TMEM80: variants seen among roughly 807,000 people sequenced by gnomAD.
TMEM80 encodes transmembrane protein 80.
In TMEM80, 16 loss-of-function variants were observed where a neutral mutation model predicts 13.6. The observed-to-expected ratio is 1.17, with a 90% CI of 0.79 to 1.78. The LOEUF is 1.78. Ranked by LOEUF, TMEM80 falls within the 40% of genes most tolerant of loss-of-function variation. TMEM80 has a pLI of 0.00. For missense variants in TMEM80, 167 were observed against 184.6 expected (o/e 0.90, Z 0.55); for synonymous variants, 92 against 89.5 (o/e 1.03, Z -0.16).
intron 1 of TMEM80, among the ~76,000 whole-genome samples, chr11:697,309 A>C (rs894012609): frequency 6.6e-6 from 1 of 152,234 alleles, no homozygotes; most frequent in Non-Finnish European, 1.5e-5. Context: ...TGTCCATTAC[A>C]TCAGGGAAAA....
intron 4 of TMEM80, among the ~76,000 whole-genome samples, chr11:702,471 C>A (rs550477758): frequency 1.3e-5 from 2 of 152,218 alleles, no homozygotes; most frequent in African/African-American, 4.8e-5. Context: ...GGCACCTGGG[C>A]TCAGCTAGTG....
chr11:703,416 ACT>A lies in TMEM80; in HGVS notation c.*268_*269del. ...TTCAAGATGAGTCCCAGGAGCGCAC[ACT>A]CAGCCCTGTCAGTGGGGTCTGGCTT... is the stretch of plus-strand genomic sequence containing the variant. On this transcript the variant is annotated 3_prime_UTR_variant, in exon 5 of 5. Transcript: ENST00000397510. The A allele has an allele frequency of 7.6e-7, 1 of 1,311,146 alleles. No individual in the cohort carries two copies. The highest frequency in any genetic ancestry group is 3.0e-5 in the East Asian group (1 of 33,640). 81.2% of individuals were successfully genotyped at this position (1,311,146 alleles called of 1,614,324 possible). A position where few individuals can be genotyped will look rare whatever the true frequency, so the allele number is the denominator to read the frequency against.
chr11:700,110 G>C (rs761979580), intron 2 of TMEM80, 32 bp from the exon 3 acceptor site: 3 of 1,594,422 alleles, frequency 1.9e-6, no homozygotes, highest in Non-Finnish European at 2.6e-6. Context: ...TCCCAAGCCT[G>C]TTGAGCTTGA....
In TMEM80 at chr11:703,004, G is replaced by A; in HGVS notation, c.286G>A (p.Ala96Thr). Residue 96 changes from alanine to threonine, a missense_variant, in exon 5 of 5, where the codon GCT becomes ACT. Transcript: ENST00000397510. ...RPLAASLALT[A>T]GTALLSAHFL... ...GCTGGCCGCCAGCCTGGCCCTCACGGCTGGCACCGCCCTCCTCTCTGCCCA... is the reference window on the plus strand; with the variant it reads ...GCTGGCCGCCAGCCTGGCCCTCACGACTGGCACCGCCCTCCTCTCTGCCCA... 3 of 1,612,110 alleles carry A rather than the reference G, an allele frequency of 1.9e-6. No individual in the cohort carries two copies. The highest frequency in any genetic ancestry group is 2.5e-6 in the Non-Finnish European group (3 of 1,179,766).
At chr11:699,579 C>T (rs184299644) in intron 2 of TMEM80, 8 of 153,492 alleles carry the variant, frequency 5.2e-5, no homozygotes, top group South Asian at 4.1e-4. Context: ...AAACCCTGTC[C>T]CTACTAAAAA....
intron 2 of TMEM80, chr11:699,871 C>A (rs1861364110): frequency 2.3e-6 from 1 of 443,540 alleles, no homozygotes; most frequent in East Asian, 4.0e-5. Context: ...CCAGTCCTGT[C>A]CACAGTCAGG....
At chr11:704,172 TCCTGCCCTGCAAGAGAGCACACCCCA>T, downstream of TMEM80, 2 of 1,094,732 alleles carry the variant, frequency 1.8e-6, no homozygotes, top group Non-Finnish European at 2.3e-6. Context: ...TCTCCAGTTC[TCCTGCCCTGCAAGAGAGCACACCCCA>T]CTTGCCAGCT....
chr11:704,560 G>T (rs1400692125), downstream of TMEM80: 2 of 1,289,254 alleles, frequency 1.6e-6, no homozygotes, highest in East Asian at 5.6e-5. Flanking sequence ...GGGCACACCT[G>T]CCATCTGGAG....
At chr11:700,754 A>G (rs1387404934) in intron 4 of TMEM80, 47 bp downstream of exon 4, 3 of 1,508,622 alleles carry the variant, frequency 2.0e-6, no homozygotes, top group South Asian at 1.1e-5. Flanking sequence ...AAGAGTTGCT[A>G]TCTGTTTCCA....
Position 703,237 on chromosome 11 carries a change from G to A in TMEM80, c.*87G>A. 6.8e-7 allele frequency: 1 copy of A among 1,470,718 alleles called. No homozygotes were observed. Among genetic ancestry groups the A allele is most frequent in the Non-Finnish European group, 9.1e-7 (1 of 1,104,506 alleles). 91.1% of individuals were successfully genotyped at this position (1,470,718 alleles called of 1,614,324 possible). A position where few individuals can be genotyped will look rare whatever the true frequency, so the allele number is the denominator to read the frequency against. On this transcript the variant is annotated 3_prime_UTR_variant, in exon 5 of 5. Transcript: ENST00000397510. ...CTGTCACCTCCCCATTCCTGGACAG[G>A]AAGGGCACTTTTCCTAGTGACTGGC... is the stretch of plus-strand genomic sequence containing the variant.
At chr11:699,487 CT>C (rs1200675921) in intron 2 of TMEM80, 2 of 154,912 alleles carry the variant, frequency 1.3e-5, no homozygotes. Flanking sequence ...TGGCTCATGC[CT>C]GTAATCCCAA....
chr11:695,979 C>T, intron 1 of TMEM80, 133 bp downstream of exon 1: 2 of 731,700 alleles, frequency 2.7e-6, no homozygotes, highest in Non-Finnish European at 1.9e-6. Context: ...CGAGACAGCT[C>T]CGTCACCCCA....
At chr11:696,429 A>G (rs1590031003) in intron 1 of TMEM80, among the ~76,000 whole-genome samples, 2 of 152,232 alleles carry the variant, frequency 1.3e-5, no homozygotes, top group Admixed American at 1.3e-4. Flanking sequence ...TGGCTACTCC[A>G]TAGGCAGGAC....
In TMEM80 at chr11:695,842, G is replaced by C. The variant is rs7928305; in HGVS notation, c.15G>C (p.Arg5=). The part of the protein sequence containing the change: MAAP[R]RGRGSSTVLS... ...GGGCGGGTAAGATGGCGGCCCCGCG[G>C]CGAGGTGAGCTCGGGCGGGGTGGGG... Residue 5 remains arginine (R), a synonymous_variant, in exon 1 of 5, where the codon CGG becomes CGC. Coordinates refer to ENST00000397510, the MANE Select transcript of TMEM80 (RefSeq NM_001042463.3). 60 of 1,231,522 alleles carry C rather than the reference G, an allele frequency of 4.9e-5. No individual in the cohort carries two copies. The highest frequency in any genetic ancestry group is 5.8e-5 in the Non-Finnish European group (57 of 987,520). 76.3% of individuals were successfully genotyped at this position (1,231,522 alleles called of 1,614,324 possible).
rs553500016 is a variant in TMEM80, at chr11:702,926, C to G, written c.227-19C>G. The G allele has an allele frequency of 2.5e-6, 4 of 1,596,048 alleles. No individual in the cohort carries two copies. The East Asian group carries it at 9.0e-5, about 36-fold the overall frequency. On this transcript the variant is annotated intron_variant, in intron 4 of 4. Coordinates refer to ENST00000397510, the MANE Select transcript of TMEM80 (RefSeq NM_001042463.3). ...GAGCGCCTCGCACCACCTTCCCTCCCCTTTGCTCTGTTCTCCAGGCACCAG... is the reference window on the plus strand; with the variant it reads ...GAGCGCCTCGCACCACCTTCCCTCCGCTTTGCTCTGTTCTCCAGGCACCAG...
upstream of TMEM80, chr11:695,730 C>T (rs1206788166): frequency 6.4e-6 from 8 of 1,241,124 alleles, no homozygotes; most frequent in South Asian, 1.8e-4. Flanking sequence ...CGCGGTCGGG[C>T]CCCTTCGTCA....
chr11:700,753 T>G (rs1287550483), intron 4 of TMEM80, 46 bp downstream of exon 4: 1 of 1,517,766 alleles, frequency 6.6e-7, no homozygotes, highest in Non-Finnish European at 9.2e-7. Flanking sequence ...TAAGAGTTGC[T>G]ATCTGTTTCC....
chr11:698,277 A>T (rs779115658), intron 1 of TMEM80, among the ~76,000 whole-genome samples: 1 of 145,958 alleles, frequency 6.9e-6, no homozygotes. Context: ...GACTCCACTC[A>T]CTCCTCGGGC....
At chr11:699,863 A>G in intron 2 of TMEM80, 1 of 405,264 alleles carries the variant, frequency 2.5e-6, no homozygotes, top group Non-Finnish European at 4.4e-6. Context: ...TCCCCTGACC[A>G]GTCCTGTCCA....
Sources: allele counts gnomAD v4.1 joint callset (sites outside exome capture counted in the v4.1 genomes callset), GRCh38; gene constraint gnomAD v4.1.1; transcripts MANE v1.5; gene names NCBI Gene and HGNC (gene_info 2026-07-23, HGNC 2026-07-21).